The following ABCB4 variants were observed in gnomAD, a reference collection of about 807,000 sequenced individuals.
The protein encoded by ABCB4 is phosphatidylcholine translocator ABCB4.
In ABCB4, 76 loss-of-function variants were observed where a neutral mutation model predicts 145.7. The observed-to-expected ratio is 0.52, with a 90% CI of 0.43 to 0.63. The LOEUF is 0.63. Ranked by LOEUF, ABCB4 falls within the 30% of genes least tolerant of loss-of-function variation. The pLI, the probability that ABCB4 is intolerant of heterozygous loss-of-function variation, is 0.00. For synonymous variants in ABCB4, 517 were observed against 566.8 expected, an observed-to-expected ratio of 0.91 and a Z score of 1.25; for missense variants, 1,234 against 1,553.1, an observed-to-expected ratio of 0.79 and a Z score of 3.45.
chr7:87,406,164 T>G lies in ABCB4; in HGVS notation c.3486+124A>C, dbSNP rs967299213. On this transcript the variant is annotated intron_variant, in intron 26 of 27. Coordinates refer to ENST00000649586, the MANE Select transcript of ABCB4 (RefSeq NM_000443.4). The stretch of plus-strand genomic sequence containing the variant: ...AGGAAGCTTGGTATCCTGAAGTGCC[T>G]TGTCCAAGTTGTTAATGTTAGTAAA... The G allele has an allele frequency of 9.0e-6, 9 of 995,200 alleles. No homozygotes were observed. The East Asian group carries it at 2.2e-4, about 24-fold the overall frequency. The allele number at this position is 995,200 out of a possible 1,614,324, so 61.6% of individuals were successfully genotyped here. A position where few individuals can be genotyped will look rare whatever the true frequency, so the allele number is the denominator to read the frequency against.
At chr7:87,413,068 T>C (rs1436585173) in intron 22 of ABCB4, among the ~76,000 whole-genome samples, 1 of 152,246 alleles carries the variant, frequency 6.6e-6, no homozygotes. Flanking sequence ...AACATACTCA[T>C]TTATAAAATC....
At chr7:87,372,007 C>CAA in the ABCB4 span, among the ~76,000 whole-genome samples, 14 of 123,990 alleles carry the variant, frequency 1.1e-4, no homozygotes, top group African/African-American at 4.0e-4. Flanking sequence ...AAAAAAAAAA[C>CAA]AAAAAAAAAA....
the ABCB4 span, chr7:87,391,639 G>A: frequency 2.3e-5 from 37 of 1,610,536 alleles, no homozygotes; most frequent in Admixed American, 1.7e-4. Flanking sequence ...TATCATGGCC[G>A]TACAGAGACT....
Position 87,454,528 on chromosome 7 carries a change from GA to G in ABCB4, c.344+6del. The G allele has an allele frequency of 6.3e-7, 1 of 1,599,880 alleles. No homozygotes were observed. The highest frequency in any genetic ancestry group is 1.7e-4 in the Middle Eastern group (1 of 6,042). ...CTTTAAAAAAGTAGACCATATATAT[GA>G]GTTACCTAGTCATTTCTTCTTCCAG... On this transcript the variant is annotated splice_donor_region_variant and intron_variant, in intron 5 of 27. Transcript: ENST00000649586.
chr7:87,382,250 C>T, the ABCB4 span: 7 of 1,454,418 alleles, frequency 4.8e-6, no homozygotes, highest in Non-Finnish European at 6.7e-6. Context: ...AAAAATTTGG[C>T]TGTCATCCAA....
chr7:87,446,902 G>A, intron 9 of ABCB4, 132 bp downstream of exon 9: 1 of 804,356 alleles, frequency 1.2e-6, no homozygotes, highest in Non-Finnish European at 2.0e-6. Flanking sequence ...ACTGGACAGT[G>A]GAAAGATTCA....
chr7:87,440,892 C>A (rs1383529069), intron 12 of ABCB4, among the ~76,000 whole-genome samples: 1 of 152,116 alleles, frequency 6.6e-6, no homozygotes, highest in Non-Finnish European at 1.5e-5. Context: ...AGGCACCCAC[C>A]ACCATGCCCG....
the ABCB4 span, among the ~76,000 whole-genome samples, chr7:87,378,937 A>C: frequency 1.3e-5 from 2 of 152,218 alleles, no homozygotes; most frequent in Non-Finnish European, 2.9e-5. Context: ...AGCTACAGTG[A>C]AAAGTTGCCA....
chr7:87,380,122 T>G, the ABCB4 span, among the ~76,000 whole-genome samples: 7,158 of 152,096 alleles, frequency 0.047, 236 homozygotes, highest in Middle Eastern at 0.082. Flanking sequence ...AAAATAATAA[T>G]AAGAAGAAAA....
intron 18 of ABCB4, among the ~76,000 whole-genome samples, chr7:87,421,312 C>T (rs1033015798): frequency 2.0e-5 from 3 of 152,124 alleles, no homozygotes; most frequent in African/African-American, 7.2e-5. Flanking sequence ...TGTCCAGGAC[C>T]AGACTGCCCT....
At chr7:87,387,493 A>G in the ABCB4 span, among the ~76,000 whole-genome samples, 1 of 151,904 alleles carries the variant, frequency 6.6e-6, no homozygotes, top group Non-Finnish European at 1.5e-5. Flanking sequence ...ACCCTTCAAC[A>G]TCATGGAGGT....
In ABCB4 at chr7:87,409,365, T is replaced by G; in HGVS notation, c.2952A>C (p.Ala984=). Residue 984 remains alanine (A), a synonymous_variant, in exon 24 of 28, where the codon GCA becomes GCC. Coordinates refer to ENST00000649586, the MANE Select transcript of ABCB4 (RefSeq NM_000443.4). ...ILVFSAIVFG[A]VALGHASSFA... ...ATGAACTGGCATGTCCTAGAGCCAC[T>G]GCACCAAATACAATTGCAGAAAACA... 1 of 1,614,128 alleles carries G rather than the reference T, an allele frequency of 6.2e-7. No individual in the cohort carries two copies.
chr7:87,385,163 A>T, the ABCB4 span, among the ~76,000 whole-genome samples: 1 of 149,480 alleles, frequency 6.7e-6, no homozygotes, highest in Admixed American at 6.7e-5. Flanking sequence ...CTGGTATTGC[A>T]TTGGCTATTC....
intron 3 of ABCB4, among the ~76,000 whole-genome samples, chr7:87,469,136 C>G (rs1023519906): frequency 2.0e-5 from 3 of 152,026 alleles, no homozygotes; most frequent in African/African-American, 7.3e-5. Flanking sequence ...ATTATTATCT[C>G]AATAGATGCA....
intron 23 of ABCB4, among the ~76,000 whole-genome samples, chr7:87,410,091 T>C (rs1808501369): frequency 1.3e-5 from 2 of 152,176 alleles, no homozygotes; most frequent in Admixed American, 1.3e-4. Flanking sequence ...AAATAACTAT[T>C]GACAGCACTC....
chr7:87,434,834 T>C (rs1810507224), intron 14 of ABCB4, among the ~76,000 whole-genome samples: 1 of 152,258 alleles, frequency 6.6e-6, no homozygotes, highest in African/African-American at 2.4e-5. Context: ...TAGCCTCTAC[T>C]ATGTGCAAGG....
intron 5 of ABCB4, among the ~76,000 whole-genome samples, chr7:87,454,146 T>A (rs143055047): frequency 6.6e-6 from 1 of 152,330 alleles, no homozygotes; most frequent in East Asian, 1.9e-4. Flanking sequence ...TCAGCAACAC[T>A]GCTATGCAGA....
chr7:87,408,276 A>C (rs534519842), intron 24 of ABCB4, 42 bp from the exon 25 acceptor site: 16 of 1,559,658 alleles, frequency 1.0e-5, no homozygotes, highest in Non-Finnish European at 1.3e-5. Context: ...TTGGCCTGAT[A>C]ATTATTGGAA....
At chr7:87,417,617 A>G (rs1175908783) in intron 20 of ABCB4, 102 bp from the exon 21 acceptor site, 2 of 918,836 alleles carry the variant, frequency 2.2e-6, no homozygotes, top group African/African-American at 3.3e-5. Flanking sequence ...TCTATGCCTG[A>G]GCTACATTGG....
Sources: allele counts gnomAD v4.1 joint callset (sites outside exome capture counted in the v4.1 genomes callset), GRCh38; gene constraint gnomAD v4.1.1; transcripts MANE v1.5; gene names NCBI Gene and HGNC (gene_info 2026-07-23, HGNC 2026-07-21).